The following TNC variants were observed in gnomAD, a reference collection of about 807,000 sequenced individuals.
TNC encodes the protein tenascin.
In TNC, 109 loss-of-function variants were observed where a neutral mutation model predicts 202.4. That is an observed-to-expected ratio of 0.54 (90% CI 0.46 to 0.63). The LOEUF is 0.63. Ranked by LOEUF, TNC falls within the 30% of genes least tolerant of loss-of-function variation. The pLI, the probability that TNC is intolerant of heterozygous loss-of-function variation, is 0.00. For missense variants in TNC, 2,756 were observed against 2,833.3 expected, an observed-to-expected ratio of 0.97 and a Z score of 0.62; for synonymous variants, 1,007 against 1,089.7, an observed-to-expected ratio of 0.92 and a Z score of 1.50.
chr9:115,107,976 A>G (rs1456200182), intron 1 of TNC, among the ~76,000 whole-genome samples: 1 of 152,084 alleles, frequency 6.6e-6, no homozygotes, highest in Non-Finnish European at 1.5e-5. Context: ...ACTGTTTGCA[A>G]ACACTTATTA....
rs145562726 is a variant in TNC, at chr9:115,094,480, T to A, written c.-136-3326A>T. On this transcript the variant is annotated intron_variant, in intron 1 of 27. Coordinates refer to ENST00000350763, the MANE Select transcript of TNC (RefSeq NM_002160.4). ...AACTGGCTGTTTTAAGTCTCCTTTG[T>A]GGATGAACCCAGGGAAACTTACTTG... is the stretch of plus-strand genomic sequence containing the variant. Among the ~76,000 whole-genome samples the A allele has an allele frequency of 3.3e-3, 507 of 152,368 alleles. 4 individuals are homozygous for A. The highest frequency in any genetic ancestry group is 0.011 in the African/African-American group (476 of 41,584).
chr9:115,063,926 G>A lies in TNC; in HGVS notation c.3630C>T (p.Asn1210=), dbSNP rs1042190959. ...ACCTCAGTCCTCCTGGGACGGTGAGGTTCTGGGCTGCCTCTACTGTGTCAG... is the reference window on the plus strand; with the variant it reads ...ACCTCAGTCCTCCTGGGACGGTGAGATTCTGGGCTGCCTCTACTGTGTCAG... ...QEADTVEAAQ[N]LTVPGGLRST... The change falls in exon 12 of 28, where the codon AAC becomes AAT. Residue 1210 remains asparagine (N), a synonymous_variant. Transcript: ENST00000350763. 6.2e-6 allele frequency: 10 copies of A among 1,614,032 alleles called. No individual in the cohort carries two copies. The highest frequency in any genetic ancestry group is 8.5e-6 in the Non-Finnish European group (10 of 1,180,032).
chr9:115,031,957 G>C (rs1829981680), intron 22 of TNC, among the ~76,000 whole-genome samples: 1 of 152,180 alleles, frequency 6.6e-6, no homozygotes, highest in Non-Finnish European at 1.5e-5. Context: ...TGGTAAGGAT[G>C]AGAGCACTGC....
At chr9:115,051,332 G>A (rs1205002210) in intron 15 of TNC, among the ~76,000 whole-genome samples, 1 of 152,066 alleles carries the variant, frequency 6.6e-6, no homozygotes, top group Non-Finnish European at 1.5e-5. Flanking sequence ...AAAAAAACCA[G>A]AGAAGTTAAT....
Position 115,036,084 on chromosome 9 carries a change from C to T in TNC, c.5656+14G>A. 6.2e-7 allele frequency: 1 copy of T among 1,613,990 alleles called. No individual in the cohort carries two copies. The highest frequency in any genetic ancestry group is 2.2e-5 in the East Asian group (1 of 44,870). On this transcript the variant is annotated intron_variant, in intron 21 of 27. Transcript: ENST00000350763. ...CCCAGAAGGGAGAGCTTCCAGCTCTCAGTGTCTTTGTACCTGTTGTGAACT... is the reference window on the plus strand; with the variant it reads ...CCCAGAAGGGAGAGCTTCCAGCTCTTAGTGTCTTTGTACCTGTTGTGAACT...
intron 2 of TNC, among the ~76,000 whole-genome samples, chr9:115,089,655 C>T (rs1835065930): frequency 6.6e-6 from 1 of 152,158 alleles, no homozygotes; most frequent in Admixed American, 6.5e-5. Flanking sequence ...CATGCACCAC[C>T]ACACCCTGCT....
chr9:115,068,509 C>A (rs75629664), intron 10 of TNC, among the ~76,000 whole-genome samples: 2,376 of 152,258 alleles, frequency 0.016, 64 homozygotes, highest in African/African-American at 0.054. Flanking sequence ...CCAAGCCTGA[C>A]AACCCCAAAG....
At chr9:115,108,547 T>C (rs754426567) in intron 1 of TNC, among the ~76,000 whole-genome samples, 2 of 152,212 alleles carry the variant, frequency 1.3e-5, no homozygotes, top group Non-Finnish European at 2.9e-5. Flanking sequence ...CACCAGTCAT[T>C]GTTTATGCCC....
At chr9:115,075,917 G>T in intron 9 of TNC, 115 bp downstream of exon 9, 1 of 845,442 alleles carries the variant, frequency 1.2e-6, no homozygotes, top group Non-Finnish European at 2.0e-6. Flanking sequence ...GTACTACAGG[G>T]CCCTTTTTCC....
rs10817703 is a variant in TNC, at chr9:115,040,706, G to T, written c.5392+235C>A. Among the ~76,000 whole-genome samples, 11,394 of 152,138 alleles carry T rather than the reference G, an allele frequency of 0.075. 614 individuals carry two copies. The highest frequency in any genetic ancestry group is 0.15 in the African/African-American group (6,286 of 41,476). On this transcript the variant is annotated intron_variant, in intron 19 of 27. Coordinates refer to ENST00000350763, the MANE Select transcript of TNC (RefSeq NM_002160.4). Reference sequence around the variant, plus strand: ...TTTCACAATAGTCCAGGAAATGGAGGCCCAACAAGGTTAAGGTCACCCAGC... The same window carrying T: ...TTTCACAATAGTCCAGGAAATGGAGTCCCAACAAGGTTAAGGTCACCCAGC...
At chr9:115,083,933 A>C (rs1398205330) in intron 4 of TNC, among the ~76,000 whole-genome samples, 1 of 152,200 alleles carries the variant, frequency 6.6e-6, no homozygotes, top group Non-Finnish European at 1.5e-5. Context: ...TAATATGTAG[A>C]CTGCTTACAA....
At chr9:115,041,160 G>T in intron 18 of TNC, 76 bp from the exon 19 acceptor site, 1 of 1,473,958 alleles carries the variant, frequency 6.8e-7, no homozygotes, top group Non-Finnish European at 9.2e-7. Flanking sequence ...CAAAAAGAGT[G>T]TATCTGATTT....
In TNC at chr9:115,041,096, T is replaced by C. The variant is rs1830702073; in HGVS notation, c.5249-12A>G. On this transcript the variant is annotated splice_polypyrimidine_tract_variant and intron_variant, in intron 18 of 27. Coordinates refer to ENST00000350763, the MANE Select transcript of TNC (RefSeq NM_002160.4). Reference sequence around the variant, plus strand: ...CATGGAGGGTGTACCTGGAACACAGTAAAAGCAAGATGAGGAATAATGAAC... The same window carrying C: ...CATGGAGGGTGTACCTGGAACACAGCAAAAGCAAGATGAGGAATAATGAAC... 2 of 1,602,908 alleles carry C rather than the reference T, an allele frequency of 1.2e-6. No individual in the cohort carries two copies. Among genetic ancestry groups the C allele is most frequent in the African/African-American group, 2.7e-5 (2 of 74,618 alleles).
intron 1 of TNC, among the ~76,000 whole-genome samples, chr9:115,091,892 A>G (rs2133712048): frequency 6.6e-6 from 1 of 152,354 alleles, no homozygotes; most frequent in South Asian, 2.1e-4. Flanking sequence ...AGCCTGACAG[A>G]ATATTCTTGA....
At chr9:115,048,952 A>G (rs928893575) in intron 15 of TNC, among the ~76,000 whole-genome samples, 1 of 149,264 alleles carries the variant, frequency 6.7e-6, no homozygotes, top group Non-Finnish European at 1.5e-5. Context: ...TTTTTCGAGT[A>G]TAATTTCTTT....
In TNC at chr9:115,057,168, C is replaced by T. The variant is rs1371489939; in HGVS notation, c.4564G>A (p.Ala1522Thr). Residue 1522 changes from alanine to threonine, a missense_variant, in exon 15 of 28, where the codon GCC (alanine) becomes ACC (threonine). Coordinates refer to ENST00000350763, the MANE Select transcript of TNC (RefSeq NM_002160.4). ...GCACATGTACCTGTCGTGGCTGTGGCACTGATGGTTTTGGTCCGGATGCTG... is the reference window on the plus strand; with the variant it reads ...GCACATGTACCTGTCGTGGCTGTGGTACTGATGGTTTTGGTCCGGATGCTG... The part of the protein sequence containing the change: ...APSIRTKTIS[A>T]TATTEALPLL... 6.2e-7 allele frequency: 1 copy of T among 1,612,644 alleles called. No homozygotes were observed. The highest frequency in any genetic ancestry group is 8.5e-7 in the Non-Finnish European group (1 of 1,179,276).
At position 115,085,924 on chromosome 9, in the gene TNC, G is replaced by T; in HGVS notation, c.1807C>A (p.Gln603Lys). The change falls in exon 3 of 28, where the codon CAA becomes AAA. Residue 603 changes from glutamine to lysine, a missense_variant. Coordinates refer to ENST00000350763, the MANE Select transcript of TNC (RefSeq NM_002160.4). ...SCPSDCNNLG[Q>K]CVSGRCICNE... is the part of the protein sequence containing the mutation. ...CAGATGCAGCGGCCCGAGACGCATT[G>T]TCCTAAGTTGTTGCAGTCACTGGGG... 1 of 1,613,880 alleles carries T rather than the reference G, an allele frequency of 6.2e-7. No individual in the cohort carries two copies. The highest frequency in any genetic ancestry group is 8.5e-7 in the Non-Finnish European group (1 of 1,179,874).
intron 17 of TNC, among the ~76,000 whole-genome samples, chr9:115,045,094 T>C (rs1667699558): frequency 6.6e-6 from 1 of 152,122 alleles, no homozygotes; most frequent in African/African-American, 2.4e-5. Context: ...GAAAAATCAT[T>C]TCACCATTCT....
chr9:115,081,820 C>G lies in TNC; in HGVS notation c.2356G>C (p.Val786Leu). ...CCAGGGCCCCGGGTATTGTTTTTCA[C>G]TATGTGCAGAGATATCTCATACTCT... Reference protein sequence around the residue: ...GQEYEISLHIVKNNTRGPGLK... With the variant: ...GQEYEISLHILKNNTRGPGLK... The change falls in exon 6 of 28, where the codon GTG becomes CTG. Residue 786 changes from valine (V) to leucine (L), a missense_variant. Physicochemically the swap from Val to Leu is conservative, Grantham distance 32. Coordinates refer to ENST00000350763, the MANE Select transcript of TNC (RefSeq NM_002160.4). 2.5e-6 allele frequency: 4 copies of G among 1,613,366 alleles called. No individual in the cohort carries two copies. The highest frequency in any genetic ancestry group is 3.4e-6 in the Non-Finnish European group (4 of 1,179,774).
Sources: allele counts gnomAD v4.1 joint callset (sites outside exome capture counted in the v4.1 genomes callset), GRCh38; gene constraint gnomAD v4.1.1; transcripts MANE v1.5; gene names NCBI Gene and HGNC (gene_info 2026-07-23, HGNC 2026-07-21).